The following HS6ST1 variants were observed in gnomAD, a reference collection of about 807,000 sequenced individuals.
HS6ST1 encodes the protein heparan-sulfate 6-O-sulfotransferase 1.
Under a neutral mutation model 25.2 loss-of-function variants are expected in HS6ST1, and 3 were observed. The ratio of observed to expected loss-of-function variants is 0.12; its 90% CI spans 0.05 to 0.31. The LOEUF (loss-of-function observed/expected upper bound fraction) is 0.31, where lower values mean the gene tolerates loss of function less well. Ranked by LOEUF, HS6ST1 falls within the 10% of genes least tolerant of loss-of-function variation. The pLI, the probability that HS6ST1 is intolerant of heterozygous loss-of-function variation, is 1.00. For missense variants in HS6ST1, 310 were observed against 609.6 expected (o/e 0.51, Z 5.18); for synonymous variants, 204 against 275.1 (o/e 0.74, Z 2.56).
intron 1 of HS6ST1, among the ~76,000 whole-genome samples, chr2:128,311,028 T>C (rs114460177): frequency 0.022 from 3,273 of 152,062 alleles, 125 homozygotes; most frequent in African/African-American, 0.075. Flanking sequence ...TGCAAAACCC[T>C]GTGTGTGGGA....
intron 1 of HS6ST1, among the ~76,000 whole-genome samples, chr2:128,306,620 G>A (rs1051461121): frequency 3.3e-5 from 5 of 152,204 alleles, no homozygotes; most frequent in Admixed American, 3.3e-4. Flanking sequence ...TTCTCAGGTG[G>A]ATGGTGATGT....
rs553496759 is a variant in HS6ST1 at position 128,310,174 on chromosome 2, G to A, written c.527+7863C>T. Reference sequence around the variant, plus strand: ...ACCCAACACACAGCCCAGGGCCTGAGCAGGCAGCTGAATCCCTATGGATTC... The same window carrying A: ...ACCCAACACACAGCCCAGGGCCTGAACAGGCAGCTGAATCCCTATGGATTC... On this transcript the variant is annotated intron_variant, in intron 1 of 1. Transcript: ENST00000259241. Among the ~76,000 whole-genome samples, 10 of 152,342 alleles carry A rather than the reference G, an allele frequency of 6.6e-5. No individual in the cohort carries two copies. In the East Asian group the frequency reaches 1.9e-3, roughly 29 times the overall value.
chr2:128,301,426 A>G (rs1024602089), intron 1 of HS6ST1, among the ~76,000 whole-genome samples: 1 of 152,136 alleles, frequency 6.6e-6, no homozygotes, highest in Non-Finnish European at 1.5e-5. Context: ...CATCTCCTCT[A>G]ATATCCTGGG....
intron 1 of HS6ST1, among the ~76,000 whole-genome samples, chr2:128,302,561 G>T (rs138462551): frequency 6.6e-6 from 1 of 152,252 alleles, no homozygotes; most frequent in African/African-American, 2.4e-5. Context: ...GCACGCAGGT[G>T]CTGGTGACTG....
intron 1 of HS6ST1, among the ~76,000 whole-genome samples, chr2:128,305,011 G>C (rs895048908): frequency 2.6e-5 from 4 of 152,238 alleles, no homozygotes; most frequent in African/African-American, 9.6e-5. Flanking sequence ...GGAATGCACA[G>C]GGTCAGTGTC....
At chr2:128,269,670 A>G (rs1481995034) in intron 1 of HS6ST1, among the ~76,000 whole-genome samples, 1 of 152,146 alleles carries the variant, frequency 6.6e-6, no homozygotes, top group African/African-American at 2.4e-5. Flanking sequence ...GAGAGGCTGC[A>G]GTCATTCTTA....
intron 1 of HS6ST1, among the ~76,000 whole-genome samples, chr2:128,306,176 G>A (rs934647922): frequency 1.3e-5 from 2 of 152,080 alleles, no homozygotes; most frequent in African/African-American, 2.4e-5. Flanking sequence ...CTGCACCCTC[G>A]GGACAGGAAT....
At chr2:128,282,181 C>T (rs1448260300) in intron 1 of HS6ST1, among the ~76,000 whole-genome samples, 2 of 152,232 alleles carry the variant, frequency 1.3e-5, no homozygotes, top group Non-Finnish European at 2.9e-5. Flanking sequence ...AAAATCACAG[C>T]CCGTTTCCTT....
chr2:128,276,195 T>C (rs1238986219), intron 1 of HS6ST1, among the ~76,000 whole-genome samples: 1 of 152,188 alleles, frequency 6.6e-6, no homozygotes, highest in African/African-American at 2.4e-5. Context: ...TGGTGTGATC[T>C]TGGCTCACTG....
intron 1 of HS6ST1, among the ~76,000 whole-genome samples, chr2:128,287,895 G>A (rs75035925): frequency 0.014 from 2,147 of 152,350 alleles, 59 homozygotes; most frequent in African/African-American, 0.048. Flanking sequence ...GCTGCTCGCC[G>A]GTCATGAAGG....
At chr2:128,315,829 A>T (rs1694354910) in intron 1 of HS6ST1, among the ~76,000 whole-genome samples, 1 of 152,236 alleles carries the variant, frequency 6.6e-6, no homozygotes. Flanking sequence ...GAAGCTCATT[A>T]AAAAAGCAAT....
At chr2:128,310,944 G>A (rs757847209) in intron 1 of HS6ST1, among the ~76,000 whole-genome samples, 1 of 152,046 alleles carries the variant, frequency 6.6e-6, no homozygotes, top group Non-Finnish European at 1.5e-5. Flanking sequence ...TGTGAGTGGC[G>A]GGGTCTCGCA....
At chr2:128,274,781 A>G (rs1693665160) in intron 1 of HS6ST1, among the ~76,000 whole-genome samples, 1 of 152,234 alleles carries the variant, frequency 6.6e-6, no homozygotes, top group South Asian at 2.1e-4. Context: ...GTTTGAGGCT[A>G]GCCTGGCCAA....
intron 1 of HS6ST1, among the ~76,000 whole-genome samples, chr2:128,270,575 G>A (rs1477814509): frequency 6.6e-6 from 1 of 152,196 alleles, no homozygotes; most frequent in African/African-American, 2.4e-5. Flanking sequence ...AGGGAGTAAG[G>A]GCCCGAGGCG....
At chr2:128,297,322 C>T (rs1165651478) in intron 1 of HS6ST1, among the ~76,000 whole-genome samples, 1 of 152,094 alleles carries the variant, frequency 6.6e-6, no homozygotes, top group Non-Finnish European at 1.5e-5. Context: ...TGGATTTCCA[C>T]ATGTAAAAGA....
chr2:128,293,925 C>T (rs1276676799), intron 1 of HS6ST1, among the ~76,000 whole-genome samples: 1 of 152,200 alleles, frequency 6.6e-6, no homozygotes, highest in African/African-American at 2.4e-5. Context: ...CCCAGTCCTG[C>T]TGAACATCCC....
chr2:128,295,815 C>T (rs1694032890), intron 1 of HS6ST1, among the ~76,000 whole-genome samples: 3 of 152,202 alleles, frequency 2.0e-5, no homozygotes, highest in Non-Finnish European at 2.9e-5. Context: ...AAATTCAATG[C>T]ACCTGCATAA....
rs540979487 is a variant in HS6ST1 at position 128,279,193 on chromosome 2, C to CA, written c.528-10324dup. On this transcript the variant is annotated intron_variant, in intron 1 of 1. Transcript: ENST00000259241. ...CTGATGGGGGTGCGGGGGTGGGTTC[C>CA]ATGAAACAAGGGTCTAACCCACAAG... Among the ~76,000 whole-genome samples, 371 of 152,238 alleles carry CA rather than the reference C, an allele frequency of 2.4e-3. 1 individual carries two copies. The highest frequency in any genetic ancestry group is 8.3e-3 in the African/African-American group (346 of 41,516).
At chr2:128,310,591 A>G (rs1344227712) in intron 1 of HS6ST1, among the ~76,000 whole-genome samples, 2 of 76,546 alleles carry the variant, frequency 2.6e-5, no homozygotes, top group Non-Finnish European at 4.5e-5. Context: ...AAACAGCCCC[A>G]TCTTCACCAC....
Sources: allele counts gnomAD v4.1 joint callset (sites outside exome capture counted in the v4.1 genomes callset), GRCh38; gene constraint gnomAD v4.1.1; transcripts MANE v1.5; gene names NCBI Gene and HGNC (gene_info 2026-07-23, HGNC 2026-07-21).